The following TFDP2 variants were observed in gnomAD, a reference collection of about 807,000 sequenced individuals.
TFDP2 encodes transcription factor Dp-2.
In TFDP2, 17 loss-of-function variants were observed where a neutral mutation model predicts 59.3. That is an observed-to-expected ratio of 0.29 (90% confidence interval 0.20 to 0.43). TFDP2 has a LOEUF of 0.43. Ranked by LOEUF, TFDP2 falls within the 20% of genes least tolerant of loss-of-function variation. The pLI is 1.00. For missense variants in TFDP2, 391 were observed against 528.8 expected, an observed-to-expected ratio of 0.74 and a Z score of 2.56; for synonymous variants, 180 against 194.7, an observed-to-expected ratio of 0.92 and a Z score of 0.63.
intron 3 of TFDP2, among the ~76,000 whole-genome samples, chr3:142,074,053 G>A (rs1173300979): frequency 6.6e-6 from 1 of 152,210 alleles, no homozygotes; most frequent in Non-Finnish European, 1.5e-5. Flanking sequence ...CAAAACTACA[G>A]TAATAAAAAC....
chr3:141,969,870 T>A (rs570314599), intron 9 of TFDP2, among the ~76,000 whole-genome samples: 1 of 152,272 alleles, frequency 6.6e-6, no homozygotes, highest in African/African-American at 2.4e-5. Flanking sequence ...GGGAAGCTAC[T>A]GTGGAGCTGA....
chr3:142,081,163 G>C (rs2060626633), intron 3 of TFDP2, among the ~76,000 whole-genome samples: 1 of 152,032 alleles, frequency 6.6e-6, no homozygotes, highest in Non-Finnish European at 1.5e-5. Flanking sequence ...AATAAAACTA[G>C]ACATCAATAA....
At chr3:142,075,407 C>T (rs924717106) in intron 3 of TFDP2, among the ~76,000 whole-genome samples, 1 of 152,098 alleles carries the variant, frequency 6.6e-6, no homozygotes, top group South Asian at 2.1e-4. Context: ...ATCATGTTTG[C>T]CTCAATCTCT....
intron 3 of TFDP2, among the ~76,000 whole-genome samples, chr3:142,070,086 T>C (rs777323770): frequency 6.6e-6 from 1 of 151,574 alleles, no homozygotes. Flanking sequence ...TTTGTATTTT[T>C]AGTAGAGACA....
chr3:141,968,576 T>C (rs189693558), intron 9 of TFDP2, among the ~76,000 whole-genome samples: 1,834 of 104,558 alleles, frequency 0.018, 75 homozygotes, highest in African/African-American at 0.029. Context: ...ATATATAACA[T>C]ATATATCTCA....
chr3:142,047,254 A>G (rs555688401), intron 3 of TFDP2, among the ~76,000 whole-genome samples: 1 of 152,294 alleles, frequency 6.6e-6, no homozygotes, highest in South Asian at 2.1e-4. Context: ...TAGATATTAA[A>G]ATGAGATTAC....
chr3:142,122,859 A>T (rs893936369), intron 1 of TFDP2, among the ~76,000 whole-genome samples: 1 of 152,240 alleles, frequency 6.6e-6, no homozygotes, highest in African/African-American at 2.4e-5. Context: ...TTAAATAGCT[A>T]TTAAAATTAA....
chr3:142,141,825 GA>G (rs909001926), intron 1 of TFDP2, among the ~76,000 whole-genome samples: 28 of 138,470 alleles, frequency 2.0e-4, no homozygotes, highest in Middle Eastern at 3.8e-3. Context: ...TCTGTCTCAA[GA>G]AAAAAAAAAA....
chr3:141,989,582 T>G (rs950528492), intron 6 of TFDP2: 1 of 152,166 alleles, frequency 6.6e-6, no homozygotes, highest in African/African-American at 2.4e-5. Flanking sequence ...ACAAGGGGAT[T>G]TGAAGGGTTG....
At chr3:142,136,850 T>TA (rs2062756474) in intron 1 of TFDP2, among the ~76,000 whole-genome samples, 1 of 152,058 alleles carries the variant, frequency 6.6e-6, no homozygotes, top group Non-Finnish European at 1.5e-5. Context: ...TCTTTTTGCT[T>TA]AGGATTGTCT....
chr3:141,979,743 C>G (rs1271983600), intron 6 of TFDP2, among the ~76,000 whole-genome samples: 3 of 152,112 alleles, frequency 2.0e-5, no homozygotes, highest in Non-Finnish European at 2.9e-5. Flanking sequence ...TGTGCACCAC[C>G]ACACCTGGCT....
intron 3 of TFDP2, among the ~76,000 whole-genome samples, chr3:142,015,017 T>C (rs1045960996): frequency 2.6e-5 from 4 of 152,150 alleles, no homozygotes; most frequent in African/African-American, 7.2e-5. Context: ...ACTTTAACCT[T>C]CCATCTACTC....
chr3:142,123,530 AG>A (rs1465477397), intron 1 of TFDP2, among the ~76,000 whole-genome samples: 4 of 151,890 alleles, frequency 2.6e-5, no homozygotes, highest in South Asian at 4.2e-4. Flanking sequence ...GGCCTCCCAA[AG>A]TGCTGGGATA....
At chr3:142,035,567 T>G (rs920267578) in intron 3 of TFDP2, among the ~76,000 whole-genome samples, 3 of 152,198 alleles carry the variant, frequency 2.0e-5, no homozygotes, top group Non-Finnish European at 2.9e-5. Context: ...CTTGCATAAA[T>G]GCTAGCAAGT....
chr3:142,020,462 G>T (rs929233247), intron 3 of TFDP2, among the ~76,000 whole-genome samples: 10 of 151,740 alleles, frequency 6.6e-5, no homozygotes, highest in Admixed American at 4.6e-4. Flanking sequence ...TTGCACTCGG[G>T]AAGTGGAGGT....
At chr3:141,981,491 G>C (rs1941484402) in intron 6 of TFDP2, among the ~76,000 whole-genome samples, 1 of 152,058 alleles carries the variant, frequency 6.6e-6, no homozygotes, top group Non-Finnish European at 1.5e-5. Context: ...TAAACATGCA[G>C]TTTTAAAAGG....
At chr3:142,069,265 C>T (rs2108540060) in intron 3 of TFDP2, among the ~76,000 whole-genome samples, 1 of 152,250 alleles carries the variant, frequency 6.6e-6, no homozygotes, top group African/African-American at 2.4e-5. Flanking sequence ...TGTACATAGC[C>T]TTTCTCATTC....
intron 3 of TFDP2, among the ~76,000 whole-genome samples, chr3:142,079,241 T>C (rs960524529): frequency 6.6e-6 from 1 of 151,858 alleles, no homozygotes; most frequent in East Asian, 1.9e-4. Context: ...AGGCAGAGGT[T>C]TCAGTGAGCT....
intron 3 of TFDP2, among the ~76,000 whole-genome samples, chr3:142,082,715 T>C (rs1329437790): frequency 2.0e-5 from 3 of 152,186 alleles, no homozygotes; most frequent in African/African-American, 7.2e-5. Flanking sequence ...AATGGCTCAA[T>C]GAATGCAAGT....
Sources: allele counts gnomAD v4.1 joint callset (sites outside exome capture counted in the v4.1 genomes callset), GRCh38; gene constraint gnomAD v4.1.1; transcripts MANE v1.5; gene names NCBI Gene and HGNC (gene_info 2026-07-23, HGNC 2026-07-21).